The following TANC2 variants were observed in gnomAD, a reference collection of about 807,000 sequenced individuals.
TANC2 encodes tetratricopeptide repeat, ankyrin repeat and coiled-coil containing 2.
In TANC2, 26 loss-of-function variants were observed where a neutral mutation model predicts 210.5. That is an observed-to-expected ratio of 0.12 (90% CI 0.09 to 0.17). The LOEUF (loss-of-function observed/expected upper bound fraction) is 0.17, where lower values mean the gene tolerates loss of function less well. Among genes scored for constraint, TANC2 ranks in the 10% least tolerant of loss-of-function variants. The pLI is 1.00. For missense variants in TANC2, 2,129 were observed against 2,608.9 expected (o/e 0.82, Z 4.01); for synonymous variants, 931 against 967.1 (o/e 0.96, Z 0.69).
intron 2 of TANC2, among the ~76,000 whole-genome samples, chr17:63,013,306 T>TTA (rs1156718333): frequency 2.0e-5 from 3 of 152,156 alleles, no homozygotes; most frequent in Non-Finnish European, 4.4e-5. Flanking sequence ...TTTTACAACG[T>TTA]TATTTATTGT....
intron 5 of TANC2, among the ~76,000 whole-genome samples, chr17:63,167,815 G>A (rs1355474922): frequency 1.4e-5 from 2 of 143,548 alleles, no homozygotes; most frequent in Non-Finnish European, 3.0e-5. Flanking sequence ...AGTCCAGGAG[G>A]CAGAGGTTGC....
At chr17:63,277,534 C>T (rs1411264559) in intron 9 of TANC2, among the ~76,000 whole-genome samples, 1 of 151,924 alleles carries the variant, frequency 6.6e-6, no homozygotes, top group African/African-American at 2.4e-5. Context: ...TTATCATTGC[C>T]AGCATCCTTG....
chr17:63,107,482 A>G (rs1300781227), intron 4 of TANC2, among the ~76,000 whole-genome samples: 1 of 151,920 alleles, frequency 6.6e-6, no homozygotes, highest in African/African-American at 2.4e-5. Flanking sequence ...CAAAATGTAT[A>G]AAGTTATCCA....
rs148812565 is a variant in TANC2 at position 63,146,678 on chromosome 17, A to G, written c.323-4592A>G. Among the ~76,000 whole-genome samples the G allele has an allele frequency of 1.3e-3, 201 of 152,228 alleles. 2 individuals are homozygous for G. Among genetic ancestry groups the G allele is most frequent in the Admixed American group, 0.011 (169 of 15,278 alleles). On this transcript the variant is annotated intron_variant, in intron 4 of 27. Transcript: ENST00000689528. Reference sequence around the variant, plus strand: ...TAAAAAATCCCTTCTGCTATGAAACATTTACTAAAGACAATACCTCAGTAA... The same window carrying G: ...TAAAAAATCCCTTCTGCTATGAAACGTTTACTAAAGACAATACCTCAGTAA...
chr17:63,153,526 CA>C (rs1315116248), intron 5 of TANC2: 1 of 152,158 alleles, frequency 6.6e-6, no homozygotes, highest in Non-Finnish European at 1.5e-5. Flanking sequence ...GGTGGGCCCC[CA>C]GAATTTCTTA....
At chr17:63,097,808 T>A (rs2037445462) in intron 3 of TANC2, among the ~76,000 whole-genome samples, 1 of 152,168 alleles carries the variant, frequency 6.6e-6, no homozygotes, top group African/African-American at 2.4e-5. Flanking sequence ...TGAAATCCAA[T>A]TGATTTTTTC....
intron 2 of TANC2, among the ~76,000 whole-genome samples, chr17:63,014,718 T>G (rs1017352893): frequency 4.8e-4 from 73 of 152,348 alleles, no homozygotes; most frequent in African/African-American, 1.8e-3. Flanking sequence ...AATTATATTA[T>G]TAAATCCATA....
intron 2 of TANC2, among the ~76,000 whole-genome samples, chr17:63,056,620 A>C (rs1230839019): frequency 2.0e-5 from 3 of 152,214 alleles, no homozygotes; most frequent in Non-Finnish European, 1.5e-5. Context: ...TGGAGGTTGC[A>C]GTGAGTTGAG....
intron 14 of TANC2, among the ~76,000 whole-genome samples, chr17:63,377,217 T>C (rs2047453508): frequency 6.6e-6 from 1 of 152,218 alleles, no homozygotes; most frequent in Non-Finnish European, 1.5e-5. Context: ...TGGAGACATT[T>C]TCCCCATTGG....
At chr17:63,044,650 T>C (rs753779817) in intron 2 of TANC2, among the ~76,000 whole-genome samples, 1 of 152,186 alleles carries the variant, frequency 6.6e-6, no homozygotes, top group Non-Finnish European at 1.5e-5. Flanking sequence ...ATTATCACTT[T>C]TACTACATGA....
At chr17:63,327,169 C>T (rs543604000) in intron 11 of TANC2, among the ~76,000 whole-genome samples, 1 of 152,324 alleles carries the variant, frequency 6.6e-6, no homozygotes, top group East Asian at 1.9e-4. Flanking sequence ...ATTAAAACCA[C>T]ATTGAGATAT....
intron 5 of TANC2, among the ~76,000 whole-genome samples, chr17:63,184,799 G>T (rs113974171): frequency 6.6e-6 from 1 of 151,610 alleles, no homozygotes; most frequent in South Asian, 2.1e-4. Flanking sequence ...GATTACAGGC[G>T]CCTGCCACCA....
intron 7 of TANC2, among the ~76,000 whole-genome samples, chr17:63,201,885 C>T (rs1342874950): frequency 6.6e-6 from 1 of 152,092 alleles, no homozygotes; most frequent in African/African-American, 2.4e-5. Flanking sequence ...TATGATTCAA[C>T]ACCTCTTGCT....
intron 8 of TANC2, among the ~76,000 whole-genome samples, chr17:63,258,634 A>G (rs960618028): frequency 1.3e-5 from 2 of 152,160 alleles, no homozygotes; most frequent in East Asian, 1.9e-4. Flanking sequence ...GCCCATGGCA[A>G]GTACTGCCTG....
At chr17:63,256,688 G>A (rs1218183386) in intron 8 of TANC2, among the ~76,000 whole-genome samples, 1 of 152,196 alleles carries the variant, frequency 6.6e-6, no homozygotes, top group Non-Finnish European at 1.5e-5. Context: ...TGACAGTGGG[G>A]TGTTGAGGTC....
chr17:62,983,543 T>G (rs1267481286), intron 1 of TANC2, among the ~76,000 whole-genome samples: 1 of 152,110 alleles, frequency 6.6e-6, no homozygotes, highest in African/African-American at 2.4e-5. Context: ...TGTCTTGTTC[T>G]AGTTCTTAGA....
chr17:62,987,563 A>G (rs2032633012), intron 1 of TANC2, among the ~76,000 whole-genome samples: 1 of 152,096 alleles, frequency 6.6e-6, no homozygotes, highest in African/African-American at 2.4e-5. Flanking sequence ...AGTGGGGACT[A>G]GTGGGGTTCT....
chr17:63,329,901 A>G (rs1356016273), intron 11 of TANC2, among the ~76,000 whole-genome samples: 2 of 152,214 alleles, frequency 1.3e-5, no homozygotes. Flanking sequence ...GCTAGAAACA[A>G]TTAAATTTAG....
intron 9 of TANC2, among the ~76,000 whole-genome samples, chr17:63,296,293 T>C (rs577448654): frequency 1.3e-5 from 2 of 152,170 alleles, no homozygotes; most frequent in African/African-American, 2.4e-5. Flanking sequence ...ATCTGTCAGA[T>C]CACTGGCTGA....
Sources: gnomAD v4.1 joint callset for allele counts (sites outside exome capture counted in the v4.1 genomes callset) on GRCh38, gnomAD v4.1.1 for gene constraint, MANE v1.5 for transcripts, NCBI Gene and HGNC (gene_info 2026-07-23, HGNC 2026-07-21) for gene names.